SANBR: variants seen among roughly 807,000 people sequenced by gnomAD.
SANBR encodes the protein SANT and BTB domain regulator of class switch recombination.
In SANBR, 77 loss-of-function variants were observed where a neutral mutation model predicts 101.8. That is an observed-to-expected ratio of 0.76 (90% confidence interval 0.63 to 0.91). The LOEUF is 0.91. Ranked by LOEUF, SANBR falls within the 40% of genes least tolerant of loss-of-function variation. The pLI is 0.00. For missense variants in SANBR, 875 were observed against 853.0 expected (o/e 1.03, Z -0.32); for synonymous variants, 279 against 274.7 (o/e 1.02, Z -0.15).
intron 11 of SANBR, 103 bp from the exon 12 acceptor site, chr2:61,097,597 A>G: frequency 1.1e-6 from 1 of 911,140 alleles, no homozygotes; most frequent in Non-Finnish European, 1.6e-6. Context: ...TTTTCTGCAT[A>G]TTTCATATAA....
chr2:61,073,721 A>G (rs535178756), intron 5 of SANBR, among the ~76,000 whole-genome samples, 170 bp downstream of exon 5: 1 of 152,146 alleles, frequency 6.6e-6, no homozygotes, highest in African/African-American at 2.4e-5. Flanking sequence ...TATTCATGTT[A>G]TTATTTATAA....
chr2:61,092,858 G>C (rs1273748921), intron 11 of SANBR, among the ~76,000 whole-genome samples: 3 of 151,756 alleles, frequency 2.0e-5, no homozygotes, highest in African/African-American at 7.3e-5. Flanking sequence ...ACTAGGCCCG[G>C]TATGGTGGCT....
Position 61,123,973 on chromosome 2 carries a change from A to C in SANBR, c.*1811A>C, listed in dbSNP as rs1020229963. ...GCCAGGCATGGTGGCATACACCTGT[A>C]GTCCCAGCTACTCGGGAGGCTGAGG... is the stretch of plus-strand genomic sequence containing the variant. On this transcript the variant is annotated 3_prime_UTR_variant, in exon 22 of 22. Transcript: ENST00000402291. The C allele has an allele frequency of 6.9e-5, 21 of 303,396 alleles. No homozygotes were observed. Among genetic ancestry groups the C allele is most frequent in the African/African-American group, 4.8e-4 (21 of 44,132 alleles). The allele number at this position is 303,396 out of a possible 1,614,324, so 18.8% of individuals were successfully genotyped here.
In SANBR at chr2:61,122,586, T is replaced by A; in HGVS notation, c.*424T>A. The A allele has an allele frequency of 1.0e-6, 1 of 989,088 alleles. No homozygotes were observed. Among genetic ancestry groups the A allele is most frequent in the Non-Finnish European group, 1.2e-6 (1 of 832,302 alleles). The allele number at this position is 989,088 out of a possible 1,614,324, so 61.3% of individuals were successfully genotyped here. A position where few individuals can be genotyped will look rare whatever the true frequency, so the allele number is the denominator to read the frequency against. On this transcript the variant is annotated 3_prime_UTR_variant, in exon 22 of 22. Coordinates refer to ENST00000402291, the MANE Select transcript of SANBR (RefSeq NM_001129993.3). ...GTCTTTGGAGCTGTAAATCTTGAGA[T>A]AGCATTGAGAACTGCAGGTTGTGTG...
In SANBR at chr2:61,070,377, C is replaced by T; in HGVS notation, c.27C>T (p.Asn9=). 6.3e-7 allele frequency: 1 copy of T among 1,590,682 alleles called. No individual in the cohort carries two copies. The highest frequency in any genetic ancestry group is 1.2e-5 in the South Asian group (1 of 86,074). MSRGYSEN[N]NFLNNNNQMV... is the part of the protein sequence containing the mutation. The stretch of plus-strand genomic sequence containing the variant: ...TGAGTCGTGGATATTCAGAAAACAA[C>T]AATTTCCTGAACAATAATAACCAAA... The change falls in exon 3 of 22, where the codon AAC becomes AAT. Residue 9 remains asparagine (N), a synonymous_variant. Transcript: ENST00000402291.
Position 61,123,328 on chromosome 2 carries a change from A to C in SANBR, c.*1166A>C. The C allele has an allele frequency of 1.0e-6, 1 of 979,062 alleles. No homozygotes were observed. Among genetic ancestry groups the C allele is most frequent in the Non-Finnish European group, 1.2e-6 (1 of 824,094 alleles). 60.6% of individuals were successfully genotyped at this position (979,062 alleles called of 1,614,324 possible). A position where few individuals can be genotyped will look rare whatever the true frequency, so the allele number is the denominator to read the frequency against. Reference sequence around the variant, plus strand: ...TTTAATAATGTGTGACAAAAGAGCAATTTCCATTGAAATATTGAAGTGTTA... The same window carrying C: ...TTTAATAATGTGTGACAAAAGAGCACTTTCCATTGAAATATTGAAGTGTTA... On this transcript the variant is annotated 3_prime_UTR_variant, in exon 22 of 22. Coordinates refer to ENST00000402291, the MANE Select transcript of SANBR (RefSeq NM_001129993.3).
rs13424173 is a variant in SANBR at position 61,134,161 on chromosome 2, G to A, written c.2053G>A (p.Gly685Ser). ...GACAGACAAACTGAGACCCAGAGAC[G>A]GCACTGTGTCTAAGAGCAACAGAAA... The change falls in exon 21 of 22, where the codon GGC becomes AGC. Residue 685 changes from glycine (G) to serine (S), a missense_variant. Transcript: ENST00000295031. 6,203 of 1,613,914 alleles carry A rather than the reference G, an allele frequency of 3.8e-3. 199 individuals are homozygous for A. The African/African-American group carries it at 0.07, about 18-fold the overall frequency.
At chr2:61,092,619 G>T in intron 11 of SANBR, 32 bp downstream of exon 11, 1 of 1,499,776 alleles carries the variant, frequency 6.7e-7, no homozygotes, top group Non-Finnish European at 9.0e-7. Flanking sequence ...ATCCTGCTCT[G>T]CAAATATTGA....
At chr2:61,072,709 AT>A (rs879590005) in intron 4 of SANBR, among the ~76,000 whole-genome samples, 177 of 141,590 alleles carry the variant, frequency 1.3e-3, no homozygotes, top group African/African-American at 1.6e-3. Context: ...AATTTCATGT[AT>A]TTTTTTTTTT....
chr2:61,089,958 G>C (rs1273798078), intron 10 of SANBR, among the ~76,000 whole-genome samples: 1 of 152,068 alleles, frequency 6.6e-6, no homozygotes. Context: ...CTTGAGACCA[G>C]GAGTTTGAGA....
intron 6 of SANBR, among the ~76,000 whole-genome samples, chr2:61,078,733 A>G (rs1360605684): frequency 6.6e-6 from 1 of 152,010 alleles, no homozygotes; most frequent in Non-Finnish European, 1.5e-5. Flanking sequence ...AATATTTTTC[A>G]TTTTAGAAAA....
chr2:61,094,567 G>T (rs987901959), intron 11 of SANBR, among the ~76,000 whole-genome samples: 1 of 151,426 alleles, frequency 6.6e-6, no homozygotes, highest in Non-Finnish European at 1.5e-5. Context: ...TATGAAGAAA[G>T]CTGCTATAAA....
rs1573588836 is a variant in SANBR, at chr2:61,074,867, T to G, written c.431+1316T>G. ...ACCTGTTTATATTTTGACCATAATTTCTTTGGAAGAGCAATTTTGTGAAAA... is the reference window on the plus strand; with the variant it reads ...ACCTGTTTATATTTTGACCATAATTGCTTTGGAAGAGCAATTTTGTGAAAA... On this transcript the variant is annotated intron_variant, in intron 5 of 21. Coordinates refer to ENST00000402291, the MANE Select transcript of SANBR (RefSeq NM_001129993.3). 2.0e-5 allele frequency: 3 copies of G among 152,368 alleles called. No homozygotes were observed. The South Asian group carries it at 6.2e-4, about 32-fold the overall frequency. The allele number at this position is 152,368 out of a possible 1,614,324, so 9.4% of individuals were successfully genotyped here.
chr2:61,118,311 G>A (rs759515909), intron 20 of SANBR, among the ~76,000 whole-genome samples, 195 bp downstream of exon 20: 13 of 151,980 alleles, frequency 8.6e-5, no homozygotes, highest in African/African-American at 2.7e-4. Context: ...GTGCAATCTC[G>A]GCTCACTGCA....
At chr2:61,124,633 G>C (rs538944852), downstream of SANBR, among the ~76,000 whole-genome samples, 42 of 151,566 alleles carry the variant, frequency 2.8e-4, no homozygotes, top group South Asian at 8.1e-3. Context: ...TTGAGCCTGA[G>C]AGTGCAAGGC....
intron 7 of SANBR, among the ~76,000 whole-genome samples, chr2:61,082,734 G>T (rs570435490): frequency 2.0e-5 from 3 of 152,040 alleles, no homozygotes; most frequent in Admixed American, 1.3e-4. Context: ...CAGGAGAATC[G>T]CTTGAACCCA....
exon 21 of SANBR, chr2:61,134,245 A>G: frequency 1.3e-6 from 2 of 1,584,612 alleles, no homozygotes; most frequent in South Asian, 1.1e-5. Flanking sequence ...GAATTAATAC[A>G]TGAAAGGACT....
At chr2:61,088,133 A>C in intron 8 of SANBR, 26 bp from the exon 9 acceptor site, 1 of 1,302,234 alleles carries the variant, frequency 7.7e-7, no homozygotes, top group Non-Finnish European at 1.1e-6. Flanking sequence ...TAGAAAATTA[A>C]TATTTTGGTC....
chr2:61,098,563 C>T (rs893011217), intron 12 of SANBR, among the ~76,000 whole-genome samples: 1 of 152,124 alleles, frequency 6.6e-6, no homozygotes, highest in Non-Finnish European at 1.5e-5. Context: ...TAACCATTCT[C>T]CTATTAATGA....
Sources: allele counts gnomAD v4.1 joint callset (sites outside exome capture counted in the v4.1 genomes callset), GRCh38; gene constraint gnomAD v4.1.1; transcripts MANE v1.5; gene names NCBI Gene and HGNC (gene_info 2026-07-23, HGNC 2026-07-21).